Variants in PCCA observed in about 807,000 individuals in gnomAD.
The protein encoded by PCCA is propionyl-CoA carboxylase alpha chain, mitochondrial.
A neutral mutation model predicts 101.3 loss-of-function variants in PCCA; 74 were observed. The observed-to-expected ratio is 0.73, with a 90% CI of 0.61 to 0.89. The LOEUF is 0.89. Among genes scored for constraint, PCCA ranks in the 40% least tolerant of loss-of-function variants. PCCA has a pLI of 0.00. For missense variants in PCCA, 891 were observed against 907.0 expected, an observed-to-expected ratio of 0.98 and a Z score of 0.23; for synonymous variants, 294 against 313.6, an observed-to-expected ratio of 0.94 and a Z score of 0.66.
At chr13:100,168,248 A>G (rs2055255241) in intron 6 of PCCA, among the ~76,000 whole-genome samples, 2 of 152,194 alleles carry the variant, frequency 1.3e-5, no homozygotes, top group South Asian at 2.1e-4. Context: ...AAGATGTCAG[A>G]TAGCGTTTTA....
At chr13:100,219,014 G>A (rs1162086737) in intron 7 of PCCA, among the ~76,000 whole-genome samples, 1 of 151,286 alleles carries the variant, frequency 6.6e-6, no homozygotes, top group East Asian at 1.9e-4. Context: ...CTACCTGAAA[G>A]AGCTTGGCAG....
intron 22 of PCCA, 133 bp from the exon 23 acceptor site, chr13:100,527,542 T>C: frequency 1.4e-6 from 1 of 712,320 alleles, no homozygotes. Flanking sequence ...ATAGGAAACA[T>C]TAGAGATTGT....
intron 19 of PCCA, among the ~76,000 whole-genome samples, chr13:100,401,266 C>T (rs554280060): frequency 6.6e-6 from 1 of 151,924 alleles, no homozygotes; most frequent in Admixed American, 6.6e-5. Flanking sequence ...TGTTTTGATA[C>T]AGAGTCTCAC....
chr13:100,129,196 T>C (rs2050250941), intron 4 of PCCA, among the ~76,000 whole-genome samples: 2 of 152,260 alleles, frequency 1.3e-5, no homozygotes, highest in South Asian at 4.1e-4. Flanking sequence ...TTTTCATAAA[T>C]AATTTTGGAA....
At chr13:100,495,577 A>G (rs893059302) in intron 21 of PCCA, among the ~76,000 whole-genome samples, 3 of 152,204 alleles carry the variant, frequency 2.0e-5, no homozygotes, top group African/African-American at 7.2e-5. Context: ...CTCATTTATG[A>G]CTACTCAATA....
At chr13:100,197,343 G>T (rs796842688) in intron 6 of PCCA, among the ~76,000 whole-genome samples, 21 of 152,196 alleles carry the variant, frequency 1.4e-4, no homozygotes, top group African/African-American at 4.1e-4. Context: ...GTGTAGCTGG[G>T]ACCATGCCTG....
rs149043788 is a variant in PCCA, at chr13:100,114,092, G to A, written c.300+2031G>A. The stretch of plus-strand genomic sequence containing the variant: ...ACCTGCAGAGGATCAGGCTCATCAA[G>A]ACATCAGTAGGCATGGGATCACATC... On this transcript the variant is annotated intron_variant, in intron 4 of 23. Coordinates refer to ENST00000376285, the MANE Select transcript of PCCA (RefSeq NM_000282.4). 9.0e-3 allele frequency among the ~76,000 whole-genome samples: 1,365 copies of A among 152,098 alleles called. 16 individuals carry two copies. The highest frequency in any genetic ancestry group is 0.03 in the African/African-American group (1,250 of 41,500).
intron 1 of PCCA, among the ~76,000 whole-genome samples, chr13:100,090,623 G>A (rs150636459): frequency 6.6e-6 from 1 of 152,294 alleles, no homozygotes; most frequent in East Asian, 1.9e-4. Context: ...CTCTAGTAGG[G>A]AGACTGTAAC....
chr13:100,131,244 A>T (rs759543008), intron 4 of PCCA, among the ~76,000 whole-genome samples: 2 of 152,180 alleles, frequency 1.3e-5, no homozygotes, highest in Admixed American at 1.3e-4. Flanking sequence ...ATCTGGTGCC[A>T]GAAGTGTCTC....
chr13:100,254,797 A>G lies in PCCA; in HGVS notation c.638-2798A>G, dbSNP rs546236805. On this transcript the variant is annotated intron_variant, in intron 8 of 23. Coordinates refer to ENST00000376285, the MANE Select transcript of PCCA (RefSeq NM_000282.4). The stretch of plus-strand genomic sequence containing the variant: ...CTCAATGGTTAAATTAAGAGTTAGT[A>G]TCAGCCAGGTTCAGTGGCTTATGCC... Among the ~76,000 whole-genome samples the G allele has an allele frequency of 5.9e-5, 9 of 152,264 alleles. No homozygotes were observed. In the South Asian group the frequency reaches 1.5e-3, roughly 25 times the overall value.
chr13:100,291,809 T>A (rs1351935253), intron 12 of PCCA, among the ~76,000 whole-genome samples: 1 of 152,240 alleles, frequency 6.6e-6, no homozygotes, highest in Admixed American at 6.5e-5. Flanking sequence ...CGGACCCATC[T>A]GGAGCCTTTA....
intron 6 of PCCA, among the ~76,000 whole-genome samples, chr13:100,190,849 G>A (rs772493814): frequency 4.6e-5 from 7 of 152,092 alleles, no homozygotes; most frequent in Non-Finnish European, 1.0e-4. Context: ...TGTAATCCCA[G>A]CACTTTGGGA....
intron 6 of PCCA, among the ~76,000 whole-genome samples, chr13:100,202,164 TA>T (rs2152466073): frequency 1.1e-5 from 1 of 91,702 alleles, no homozygotes; most frequent in Non-Finnish European, 2.0e-5. Flanking sequence ...ACTCCATCTC[TA>T]CCCAAAAAAA....
At chr13:100,484,295 G>A (rs2084191751) in intron 21 of PCCA, among the ~76,000 whole-genome samples, 1 of 152,096 alleles carries the variant, frequency 6.6e-6, no homozygotes, top group South Asian at 2.1e-4. Flanking sequence ...GATCCACCGT[G>A]TTCTGCAGGA....
At chr13:100,194,101 T>C (rs2057935834) in intron 6 of PCCA, among the ~76,000 whole-genome samples, 1 of 152,030 alleles carries the variant, frequency 6.6e-6, no homozygotes, top group Non-Finnish European at 1.5e-5. Context: ...TGATCTCTGC[T>C]ATTTTAATAT....
At chr13:100,400,604 ATGAT>A (rs1220923721) in intron 19 of PCCA, among the ~76,000 whole-genome samples, 2 of 132,408 alleles carry the variant, frequency 1.5e-5, no homozygotes, top group African/African-American at 6.2e-5. Context: ...GTGTAATATG[ATGAT>A]TGATCTTAGT....
chr13:100,166,075 C>T (rs1001713831), intron 6 of PCCA, among the ~76,000 whole-genome samples: 1 of 152,118 alleles, frequency 6.6e-6, no homozygotes, highest in Non-Finnish European at 1.5e-5. Context: ...AAGAATGTAT[C>T]CTTCAACTCC....
At chr13:100,248,718 A>C (rs1272114714) in intron 8 of PCCA, among the ~76,000 whole-genome samples, 3 of 151,920 alleles carry the variant, frequency 2.0e-5, no homozygotes, top group African/African-American at 4.8e-5. Flanking sequence ...GGGTTTTGTA[A>C]ATATTTTCTC....
At chr13:100,249,007 G>T (rs754411254) in intron 8 of PCCA, among the ~76,000 whole-genome samples, 1 of 152,080 alleles carries the variant, frequency 6.6e-6, no homozygotes, top group Non-Finnish European at 1.5e-5. Flanking sequence ...GCCCACCTCG[G>T]CCTCCCAAAG....
Sources: allele counts gnomAD v4.1 joint callset (sites outside exome capture counted in the v4.1 genomes callset), GRCh38; gene constraint gnomAD v4.1.1; transcripts MANE v1.5; gene names NCBI Gene and HGNC (gene_info 2026-07-23, HGNC 2026-07-21).